The following SYCE2 variants were observed in gnomAD, a reference collection of about 807,000 sequenced individuals.
The protein encoded by SYCE2 is central element synaptonemal complex 1.
A neutral mutation model predicts 27.9 loss-of-function variants in SYCE2; 3 were observed. The observed-to-expected ratio is 0.11, with a 90% CI of 0.05 to 0.28. The LOEUF (loss-of-function observed/expected upper bound fraction) is 0.28. Among genes scored for constraint, SYCE2 ranks in the 10% least tolerant of loss-of-function variants. SYCE2 has a pLI of 1.00. For synonymous variants in SYCE2, 85 were observed against 100.7 expected (o/e 0.84, Z 0.93); for missense variants, 207 against 263.5 (o/e 0.79, Z 1.48).
Position 12,919,261 on chromosome 19 carries a change from G to T in SYCE2, c.-4C>A. ...CGCGTACTCCCTGTCGCTCCATTCC[G>T]TATTTTCCCGCCTTCAAGCTCGCAC... On this transcript the variant is annotated 5_prime_UTR_variant, in exon 1 of 6. Coordinates refer to ENST00000293695, the MANE Select transcript of SYCE2 (RefSeq NM_001105578.2). The T allele has an allele frequency of 6.2e-7, 1 of 1,610,792 alleles. No individual in the cohort carries two copies. The highest frequency in any genetic ancestry group is 8.5e-7 in the Non-Finnish European group (1 of 1,179,984).
intron 2 of SYCE2, among the ~76,000 whole-genome samples, chr19:12,917,984 C>A (rs1971166766): frequency 6.6e-6 from 1 of 152,036 alleles, no homozygotes; most frequent in Admixed American, 6.6e-5. Context: ...ATTGGCCCGA[C>A]ATTCTGGCCC....
At chr19:12,913,062 G>A (rs1168263147) in intron 2 of SYCE2, among the ~76,000 whole-genome samples, 1 of 152,186 alleles carries the variant, frequency 6.6e-6, no homozygotes, top group Non-Finnish European at 1.5e-5. Flanking sequence ...TTCTGTTGCC[G>A]AACCCTGGAC....
chr19:12,913,811 A>T (rs756715236), intron 2 of SYCE2, among the ~76,000 whole-genome samples: 11 of 152,204 alleles, frequency 7.2e-5, no homozygotes, highest in Non-Finnish European at 1.3e-4. Flanking sequence ...GGTATTAGCA[A>T]ACAAACGACT....
chr19:12,917,952 C>G (rs999368436), intron 2 of SYCE2, among the ~76,000 whole-genome samples: 1 of 152,244 alleles, frequency 6.6e-6, no homozygotes, highest in South Asian at 2.1e-4. Context: ...AACCACTGCA[C>G]CTGGCCAATA....
At chr19:12,916,264 T>G (rs995130266) in intron 2 of SYCE2, among the ~76,000 whole-genome samples, 1 of 152,042 alleles carries the variant, frequency 6.6e-6, no homozygotes, top group African/African-American at 2.4e-5. Flanking sequence ...AGAAACAGGG[T>G]TTCACTATGT....
chr19:12,900,120 G>T lies in SYCE2; in HGVS notation c.496C>A (p.Gln166Lys), dbSNP rs181777132. 6.2e-7 allele frequency: 1 copy of T among 1,601,482 alleles called. No homozygotes were observed. Among genetic ancestry groups the T allele is most frequent in the South Asian group, 1.1e-5 (1 of 90,010 alleles). The stretch of plus-strand genomic sequence containing the variant: ...GGCCCCCATCTGAGTCTTAGGCTCT[G>T]CTGTAAAAAAGAAACCCAGGTTAGC... ...VYKDLCLQPE[Q>K]SLRLRWGPDH... Residue 166 changes from glutamine (Q) to lysine (K), a missense_variant and splice_region_variant, in exon 5 of 6, where the codon CAG becomes AAG. Coordinates refer to ENST00000293695, the MANE Select transcript of SYCE2 (RefSeq NM_001105578.2).
At chr19:12,899,652 G>C (rs1242027845) in intron 5 of SYCE2, 3 of 1,612,548 alleles carry the variant, frequency 1.9e-6, no homozygotes, top group African/African-American at 1.3e-5. Context: ...GGATGGAGTG[G>C]GAAGTGAGAG....
chr19:12,918,522 T>C (rs1360755395), intron 1 of SYCE2, among the ~76,000 whole-genome samples, 185 bp from the exon 2 acceptor site: 1 of 152,082 alleles, frequency 6.6e-6, no homozygotes, highest in African/African-American at 2.4e-5. Context: ...AAGGACACTC[T>C]GTCCCTAGGG....
chr19:12,912,149 G>T (rs1401069206), intron 2 of SYCE2, among the ~76,000 whole-genome samples: 1 of 150,358 alleles, frequency 6.7e-6, no homozygotes, highest in African/African-American at 2.5e-5. Context: ...TGTTAGCCAG[G>T]CTGGTCTCGA....
chr19:12,901,833 TCTCCAA>T (rs964558561), intron 3 of SYCE2, among the ~76,000 whole-genome samples: 2 of 151,914 alleles, frequency 1.3e-5, no homozygotes, highest in Non-Finnish European at 2.9e-5. Flanking sequence ...GCCAGGCTGG[TCTCCAA>T]CTCCTGACCT....
chr19:12,902,352 A>T (rs1970854680), intron 3 of SYCE2, among the ~76,000 whole-genome samples: 1 of 152,156 alleles, frequency 6.6e-6, no homozygotes, highest in Admixed American at 6.6e-5. Context: ...GTGCTGTATC[A>T]AAATAAATAA....
chr19:12,906,669 G>T (rs552249688), intron 2 of SYCE2, among the ~76,000 whole-genome samples: 1 of 152,178 alleles, frequency 6.6e-6, no homozygotes, highest in Non-Finnish European at 1.5e-5. Context: ...AGTACTTTGG[G>T]AGGCCGAGGT....
intron 2 of SYCE2, among the ~76,000 whole-genome samples, chr19:12,915,326 C>T (rs996012390): frequency 6.6e-6 from 1 of 152,034 alleles, no homozygotes; most frequent in Non-Finnish European, 1.5e-5. Flanking sequence ...GTGAGCCGGG[C>T]GCGGTGGCTC....
chr19:12,911,615 CT>C lies in SYCE2; in HGVS notation c.131+6606del, dbSNP rs71168633. Among the ~76,000 whole-genome samples, 671 of 103,720 alleles carry C rather than the reference CT, an allele frequency of 6.5e-3. 4 individuals carry two copies. Among genetic ancestry groups the C allele is most frequent in the Middle Eastern group, 0.016 (2 of 124 alleles). The allele number at this position is 103,720 out of a possible 152,430, so 68.0% of individuals were successfully genotyped here. The stretch of plus-strand genomic sequence containing the variant: ...CCAACCATGCCTGGATAATTTTTGC[CT>C]TTTTTTTTTTTTTTTTTTTTAGACG... On this transcript the variant is annotated intron_variant, in intron 2 of 5. Coordinates refer to ENST00000293695, the MANE Select transcript of SYCE2 (RefSeq NM_001105578.2).
In SYCE2 at chr19:12,899,345, C is replaced by T. The variant is rs970696781; in HGVS notation, c.653G>A (p.Cys218Tyr). Reference protein sequence around the residue: ...SEVQTNRDGEC With the variant: ...SEVQTNRDGEY The stretch of plus-strand genomic sequence containing the variant: ...GCGTGAGTCTCCCGGCAGCTGTCAG[C>T]ATTCACCATCTCTGTTGGTCTGTAC... The change falls in exon 6 of 6, where the codon TGC becomes TAC. Residue 218 changes from cysteine (C) to tyrosine (Y), a missense_variant. By Grantham distance (194) the Cys-to-Tyr change is radical. Transcript: ENST00000293695. The T allele has an allele frequency of 1.2e-6, 2 of 1,613,814 alleles. No homozygotes were observed. The highest frequency in any genetic ancestry group is 1.7e-6 in the Non-Finnish European group (2 of 1,179,794).
chr19:12,911,121 A>G (rs1439607850), intron 2 of SYCE2, among the ~76,000 whole-genome samples: 1 of 151,934 alleles, frequency 6.6e-6, no homozygotes, highest in East Asian at 1.9e-4. Flanking sequence ...ACAGGCGGGT[A>G]CCACTACTCC....
chr19:12,902,441 A>G (rs1970856496), intron 3 of SYCE2, among the ~76,000 whole-genome samples: 1 of 152,150 alleles, frequency 6.6e-6, no homozygotes. Context: ...CAGCCTGGGT[A>G]ACATAGCAAG....
chr19:12,916,725 A>G (rs1302686447), intron 2 of SYCE2, among the ~76,000 whole-genome samples: 1 of 152,132 alleles, frequency 6.6e-6, no homozygotes, highest in African/African-American at 2.4e-5. Context: ...CCTTCCAAGT[A>G]GCTAGGGCCA....
intron 2 of SYCE2, among the ~76,000 whole-genome samples, chr19:12,913,112 G>T (rs940815182): frequency 6.6e-6 from 1 of 152,212 alleles, no homozygotes; most frequent in African/African-American, 2.4e-5. Context: ...ACAGCACGTC[G>T]GGTGTGCATG....
Sources: gnomAD v4.1 joint callset for allele counts (sites outside exome capture counted in the v4.1 genomes callset) on GRCh38, gnomAD v4.1.1 for gene constraint, MANE v1.5 for transcripts, NCBI Gene and HGNC (gene_info 2026-07-23, HGNC 2026-07-21) for gene names.